PCNX2: variants seen among roughly 807,000 people sequenced by gnomAD.
The protein encoded by PCNX2 is pecanex-like protein 2.
A neutral mutation model predicts 223.8 loss-of-function variants in PCNX2; 168 were observed. The observed-to-expected ratio is 0.75, with a 90% CI of 0.66 to 0.85. The LOEUF (loss-of-function observed/expected upper bound fraction) is 0.85. Ranked by LOEUF, PCNX2 falls within the 40% of genes least tolerant of loss-of-function variation. The pLI, the probability that PCNX2 is intolerant of heterozygous loss-of-function variation, is 0.00. For synonymous variants in PCNX2, 1,006 were observed against 1,052.6 expected (o/e 0.96, Z 0.86); for missense variants, 2,507 against 2,675.5 (o/e 0.94, Z 1.39).
intron 1 of PCNX2, chr1:233,293,910 A>T: frequency 1.0e-6 from 1 of 959,326 alleles, no homozygotes; most frequent in Non-Finnish European, 1.2e-6. Flanking sequence ...CCTCTAGGAA[A>T]AGAGAAACCA....
chr1:233,042,143 T>C (rs1327783186), intron 25 of PCNX2, among the ~76,000 whole-genome samples: 1 of 152,180 alleles, frequency 6.6e-6, no homozygotes, highest in Admixed American at 6.5e-5. Flanking sequence ...AAATAAAGAA[T>C]ATTCAACTTG....
chr1:233,014,375 A>C (rs1425849916), intron 28 of PCNX2, among the ~76,000 whole-genome samples: 1 of 152,134 alleles, frequency 6.6e-6, no homozygotes, highest in African/African-American at 2.4e-5. Flanking sequence ...GATTTCATTG[A>C]ATCTTCCCAG....
chr1:233,217,223 GA>G (rs1025254795), intron 12 of PCNX2, among the ~76,000 whole-genome samples: 7 of 149,352 alleles, frequency 4.7e-5, no homozygotes, highest in African/African-American at 1.7e-4. Flanking sequence ...GTTCTCACCA[GA>G]AAAAAAAATG....
At chr1:233,202,881 G>T (rs977717145) in intron 13 of PCNX2, among the ~76,000 whole-genome samples, 4 of 152,196 alleles carry the variant, frequency 2.6e-5, no homozygotes, top group African/African-American at 9.6e-5. Context: ...GGCTACAGCT[G>T]ATGGACATTT....
chr1:233,299,448 T>A (rs1259354292), upstream of PCNX2, among the ~76,000 whole-genome samples: 1 of 152,178 alleles, frequency 6.6e-6, no homozygotes, highest in Non-Finnish European at 1.5e-5. Flanking sequence ...AAAGCATACA[T>A]AAGTTTACAC....
intron 19 of PCNX2, among the ~76,000 whole-genome samples, chr1:233,147,261 T>C (rs1270066392): frequency 6.6e-6 from 1 of 152,210 alleles, no homozygotes; most frequent in African/African-American, 2.4e-5. Flanking sequence ...GAAGCCTCAC[T>C]GGTAACATAA....
At chr1:233,288,220 AAAG>A (rs1300205296) in intron 1 of PCNX2, among the ~76,000 whole-genome samples, 1 of 152,246 alleles carries the variant, frequency 6.6e-6, no homozygotes, top group Admixed American at 6.5e-5. Flanking sequence ...CTTCTACACA[AAAG>A]AAGTAACACC....
In PCNX2 at chr1:232,990,980, G is replaced by A. The variant is rs902452676; in HGVS notation, c.5792-4440C>T. On this transcript the variant is annotated intron_variant, in intron 32 of 33. Coordinates refer to ENST00000258229, the MANE Select transcript of PCNX2 (RefSeq NM_014801.4). The surrounding 1 kb of genome is among the most constrained non-coding windows in gnomAD (Gnocchi z 4.3). ...TGGGGAGAGTGGGGAAGAGGGTGGT[G>A]TGGTCTTCACATGTGCTCCTGTCAC... Among the ~76,000 whole-genome samples, 1 of 152,244 alleles carries A rather than the reference G, an allele frequency of 6.6e-6. No homozygotes were observed. The highest frequency in any genetic ancestry group is 1.5e-5 in the Non-Finnish European group (1 of 68,044).
At chr1:233,090,254 C>T in intron 22 of PCNX2, 64 bp from the exon 23 acceptor site, 1 of 1,557,986 alleles carries the variant, frequency 6.4e-7, no homozygotes, top group Non-Finnish European at 8.7e-7. Flanking sequence ...AACATTATTT[C>T]AAATTTTGAT....
intron 21 of PCNX2, among the ~76,000 whole-genome samples, chr1:233,101,339 C>A (rs1028726744): frequency 6.6e-6 from 1 of 152,156 alleles, no homozygotes; most frequent in African/African-American, 2.4e-5. Flanking sequence ...AAGTTGTTAA[C>A]AGAAAATATG....
chr1:233,296,905 G>T (rs1052654019), upstream of PCNX2, among the ~76,000 whole-genome samples: 11 of 152,224 alleles, frequency 7.2e-5, no homozygotes, highest in African/African-American at 2.7e-4. Context: ...GACATGAAAG[G>T]CCACTGAGTT....
intron 19 of PCNX2, among the ~76,000 whole-genome samples, chr1:233,153,372 C>T (rs1677933925): frequency 2.0e-5 from 3 of 152,108 alleles, no homozygotes; most frequent in African/African-American, 7.2e-5. Flanking sequence ...GTGACAGATT[C>T]GTCTGTGTGG....
At chr1:233,100,279 G>A (rs1674411536) in intron 21 of PCNX2, among the ~76,000 whole-genome samples, 1 of 151,892 alleles carries the variant, frequency 6.6e-6, no homozygotes, top group African/African-American at 2.4e-5. Context: ...CGAGCGTGGT[G>A]GCTCGCACCT....
chr1:233,123,885 G>A lies in PCNX2; in HGVS notation c.3837+11128C>T, dbSNP rs1000066013. Among the ~76,000 whole-genome samples the A allele has an allele frequency of 2.0e-5, 3 of 152,302 alleles. No individual in the cohort carries two copies. The East Asian group carries it at 5.8e-4, about 29-fold the overall frequency. ...CTGAAAAAGACCATATAGTCATTCT[G>A]TAGATTCCCACTCAAAGAGAAGTCC... On this transcript the variant is annotated intron_variant, in intron 21 of 33. Transcript: ENST00000258229.
At chr1:233,017,510 G>A (rs1251452250) in intron 26 of PCNX2, among the ~76,000 whole-genome samples, 8 of 151,964 alleles carry the variant, frequency 5.3e-5, no homozygotes, top group Admixed American at 2.6e-4. Context: ...TGGAGACGGG[G>A]TTTCACCATG....
At chr1:233,102,803 A>C (rs1674560333) in intron 21 of PCNX2, among the ~76,000 whole-genome samples, 1 of 151,876 alleles carries the variant, frequency 6.6e-6, no homozygotes, top group Non-Finnish European at 1.5e-5. Context: ...TTTCTCTCCC[A>C]TTTTGTGGGG....
At chr1:233,021,833 C>T (rs2102827993) in intron 26 of PCNX2, among the ~76,000 whole-genome samples, 1 of 152,162 alleles carries the variant, frequency 6.6e-6, no homozygotes, top group East Asian at 1.9e-4. Context: ...CTGGATTTGT[C>T]AAATGGCAAA....
At chr1:233,158,204 G>GAA (rs1678245203) in intron 19 of PCNX2, among the ~76,000 whole-genome samples, 1 of 152,102 alleles carries the variant, frequency 6.6e-6, no homozygotes, top group African/African-American at 2.4e-5. Flanking sequence ...AGTTGTTAAT[G>GAA]GCCCACTCCT....
At chr1:233,069,120 C>T (rs990224063) in intron 23 of PCNX2, among the ~76,000 whole-genome samples, 15 of 152,010 alleles carry the variant, frequency 9.9e-5, no homozygotes, top group African/African-American at 1.9e-4. Flanking sequence ...AAGACAGAAA[C>T]GAACATTGTA....
Sources: allele counts gnomAD v4.1 joint callset (sites outside exome capture counted in the v4.1 genomes callset), GRCh38; gene constraint gnomAD v4.1.1; non-coding constraint Gnocchi (gnomAD v3.1); transcripts MANE v1.5; gene names NCBI Gene and HGNC (gene_info 2026-07-23, HGNC 2026-07-21).